Variants in AGBL4 observed in about 807,000 individuals in gnomAD.
AGBL4 encodes AGBL carboxypeptidase 4, also known as cytosolic carboxypeptidase 6.
A neutral mutation model predicts 66.4 loss-of-function variants in AGBL4; 58 were observed. That is an observed-to-expected ratio of 0.87 (90% CI 0.71 to 1.09). AGBL4 has a LOEUF of 1.09. Ranked by LOEUF, AGBL4 falls within the 50% of genes least tolerant of loss-of-function variation. The pLI is 0.00. For synonymous variants in AGBL4, 234 were observed against 222.9 expected (o/e 1.05, Z -0.44); for missense variants, 579 against 631.0 (o/e 0.92, Z 0.88).
chr1:48,967,059 C>G (rs983843876), intron 5 of AGBL4, among the ~76,000 whole-genome samples: 8 of 115,458 alleles, frequency 6.9e-5, no homozygotes, highest in Non-Finnish European at 1.4e-4. Flanking sequence ...CACACACACA[C>G]ACATACACAA....
intron 2 of AGBL4, among the ~76,000 whole-genome samples, chr1:49,704,461 T>G (rs1220962660): frequency 6.6e-6 from 1 of 152,082 alleles, no homozygotes; most frequent in Non-Finnish European, 1.5e-5. Flanking sequence ...TCAAAATGGA[T>G]CATAGACACA....
intron 3 of AGBL4, among the ~76,000 whole-genome samples, chr1:49,617,821 T>C (rs2124276925): frequency 6.6e-6 from 1 of 152,346 alleles, no homozygotes; most frequent in Non-Finnish European, 1.5e-5. Flanking sequence ...CAGTCCAGTT[T>C]GACAGACCAA....
intron 6 of AGBL4, among the ~76,000 whole-genome samples, chr1:48,754,767 A>G (rs977235044): frequency 1.3e-5 from 2 of 152,172 alleles, no homozygotes; most frequent in African/African-American, 4.8e-5. Context: ...TCTGTTTTAC[A>G]GAGAGAGATG....
intron 4 of AGBL4, among the ~76,000 whole-genome samples, chr1:49,131,800 G>A (rs1645901996): frequency 6.6e-6 from 1 of 152,112 alleles, no homozygotes; most frequent in South Asian, 2.1e-4. Context: ...AGACAACTAG[G>A]TGAGTGTTGA....
intron 6 of AGBL4, among the ~76,000 whole-genome samples, chr1:48,721,813 T>C (rs1647154847): frequency 6.6e-6 from 1 of 152,122 alleles, no homozygotes; most frequent in Non-Finnish European, 1.5e-5. Flanking sequence ...ATCTGTAGGG[T>C]CCTTCACTGT....
At chr1:49,446,758 G>T (rs1472605524) in intron 3 of AGBL4, among the ~76,000 whole-genome samples, 1 of 152,148 alleles carries the variant, frequency 6.6e-6, no homozygotes, top group East Asian at 1.9e-4. Flanking sequence ...TCAGATTGAG[G>T]AAATAAAATG....
intron 2 of AGBL4, among the ~76,000 whole-genome samples, chr1:49,785,560 G>A (rs546410180): frequency 6.6e-6 from 1 of 151,796 alleles, no homozygotes; most frequent in South Asian, 2.1e-4. Flanking sequence ...CACAACTATG[G>A]TATTAATATC....
chr1:49,358,815 G>A (rs1249025319), intron 3 of AGBL4, among the ~76,000 whole-genome samples: 1 of 152,122 alleles, frequency 6.6e-6, no homozygotes, highest in African/African-American at 2.4e-5. Flanking sequence ...TCTTAAAAAT[G>A]AAGATGAAGA....
chr1:48,805,439 A>T (rs1645901440), intron 6 of AGBL4, among the ~76,000 whole-genome samples: 1 of 152,130 alleles, frequency 6.6e-6, no homozygotes, highest in African/African-American at 2.4e-5. Context: ...TGGTTTGGGG[A>T]ATCTAAAATG....
chr1:49,597,031 C>T (rs1476950267), intron 3 of AGBL4, among the ~76,000 whole-genome samples: 1 of 152,126 alleles, frequency 6.6e-6, no homozygotes, highest in Admixed American at 6.5e-5. Flanking sequence ...TTCTCAGTAG[C>T]CTAGACTGAA....
chr1:48,625,707 G>A (rs1645492611), intron 9 of AGBL4, among the ~76,000 whole-genome samples: 2 of 152,238 alleles, frequency 1.3e-5, no homozygotes, highest in South Asian at 4.1e-4. Flanking sequence ...CTCTACAATT[G>A]AAGTAATATG....
chr1:49,254,159 CT>C (rs1189447565), intron 3 of AGBL4, among the ~76,000 whole-genome samples: 1 of 152,074 alleles, frequency 6.6e-6, no homozygotes, highest in African/African-American at 2.4e-5. Flanking sequence ...ATTGTAAAAC[CT>C]GGCCAGGGCA....
chr1:49,501,985 T>C (rs1264944280), intron 3 of AGBL4, among the ~76,000 whole-genome samples: 3 of 152,208 alleles, frequency 2.0e-5, no homozygotes, highest in African/African-American at 4.8e-5. Flanking sequence ...TTGACATAAT[T>C]TCAATCTTCT....
intron 3 of AGBL4, among the ~76,000 whole-genome samples, chr1:49,638,433 G>A (rs1645719774): frequency 6.6e-6 from 1 of 152,124 alleles, no homozygotes; most frequent in Non-Finnish European, 1.5e-5. Context: ...AAGAAAAATA[G>A]TAATATATTT....
chr1:49,276,985 C>A (rs572709824), intron 3 of AGBL4, among the ~76,000 whole-genome samples: 1 of 150,850 alleles, frequency 6.6e-6, no homozygotes, highest in South Asian at 2.1e-4. Context: ...TAGCAATAGC[C>A]AAAGGATATA....
intron 5 of AGBL4, among the ~76,000 whole-genome samples, chr1:49,036,124 A>G (rs12126344): frequency 0.1 from 15,555 of 150,722 alleles, 1,267 homozygotes; most frequent in African/African-American, 0.22. Context: ...AAAAACATTG[A>G]AAAAAAAACA....
intron 8 of AGBL4, among the ~76,000 whole-genome samples, chr1:48,635,378 C>T (rs142592440): frequency 1.6e-4 from 24 of 152,352 alleles, no homozygotes; most frequent in Non-Finnish European, 2.8e-4. Context: ...TTTCTTATCA[C>T]TGTGCTATGC....
chr1:49,963,562 G>A (rs1657293755), intron 1 of AGBL4, among the ~76,000 whole-genome samples: 1 of 152,074 alleles, frequency 6.6e-6, no homozygotes, highest in South Asian at 2.1e-4. Context: ...TTCCAACATA[G>A]GCCCACCTCA....
chr1:49,486,021 C>T lies in AGBL4; in HGVS notation c.282+211292G>A, dbSNP rs533072037. Among the ~76,000 whole-genome samples the T allele has an allele frequency of 3.6e-3, 548 of 151,900 alleles. 3 individuals are homozygous for T. Among genetic ancestry groups the T allele is most frequent in the Middle Eastern group, 6.8e-3 (2 of 294 alleles). On this transcript the variant is annotated intron_variant, in intron 3 of 13. Transcript: ENST00000371839. ...GCATAAGTGCTTGAGGAGATAAATACCCCCATTTACCCTGATGTGAAGATG... is the reference window on the plus strand; with the variant it reads ...GCATAAGTGCTTGAGGAGATAAATATCCCCATTTACCCTGATGTGAAGATG...
Sources: allele counts gnomAD v4.1 joint callset (sites outside exome capture counted in the v4.1 genomes callset), GRCh38; gene constraint gnomAD v4.1.1; transcripts MANE v1.5; gene names NCBI Gene and HGNC (gene_info 2026-07-23, HGNC 2026-07-21).